The following PMFBP1 variants were observed in gnomAD, a reference collection of about 807,000 sequenced individuals.
PMFBP1 encodes the protein polyamine modulated factor 1 binding protein 1.
A neutral mutation model predicts 137.8 loss-of-function variants in PMFBP1; 131 were observed. That is an observed-to-expected ratio of 0.95 (90% CI 0.82 to 1.10). The LOEUF is 1.10. Ranked by LOEUF, PMFBP1 falls within the 50% of genes least tolerant of loss-of-function variation. The pLI is 0.00. For missense variants in PMFBP1, 1,199 were observed against 1,175.4 expected, an observed-to-expected ratio of 1.02 and a Z score of -0.29; for synonymous variants, 490 against 450.4, an observed-to-expected ratio of 1.09 and a Z score of -1.11.
At chr16:72,131,046 C>T (rs79636708) in intron 10 of PMFBP1, among the ~76,000 whole-genome samples, 1,559 of 152,268 alleles carry the variant, frequency 0.01, 12 homozygotes, top group Admixed American at 0.016. Context: ...ACTGGCCCAC[C>T]GTCCTAGAGA....
the PMFBP1 span, among the ~76,000 whole-genome samples, chr16:72,247,993 A>T: frequency 3.3e-5 from 5 of 152,298 alleles, no homozygotes; most frequent in African/African-American, 9.6e-5. Context: ...AATTTTTCCA[A>T]CCAAACATCT....
chr16:72,128,507 G>T, intron 14 of PMFBP1, 150 bp downstream of exon 14: 1 of 1,554,590 alleles, frequency 6.4e-7, no homozygotes, highest in South Asian at 1.2e-5. Flanking sequence ...GGTGCCAATG[G>T]GGAGGGAAGT....
At chr16:72,124,101 C>T (rs1244889363) in intron 17 of PMFBP1, among the ~76,000 whole-genome samples, 1 of 152,150 alleles carries the variant, frequency 6.6e-6, no homozygotes, top group East Asian at 1.9e-4. Context: ...CTTAACCTCC[C>T]CCCCGGCTCA....
chr16:72,142,136 C>T (rs755920343), intron 5 of PMFBP1, among the ~76,000 whole-genome samples: 4 of 152,050 alleles, frequency 2.6e-5, no homozygotes, highest in Non-Finnish European at 4.4e-5. Context: ...GCATGAAAGC[C>T]TTCTGTGAGC....
chr16:72,175,881 G>A (rs1216412783), upstream of PMFBP1, among the ~76,000 whole-genome samples: 5 of 152,140 alleles, frequency 3.3e-5, no homozygotes, highest in African/African-American at 1.2e-4. Context: ...GAACAGACAG[G>A]GATACTTATT....
chr16:72,208,184 G>A, the PMFBP1 span, among the ~76,000 whole-genome samples: 2 of 152,188 alleles, frequency 1.3e-5, no homozygotes, highest in African/African-American at 2.4e-5. Flanking sequence ...GTGGCCAAAT[G>A]TCTGGGCACC....
chr16:72,171,050 G>T (rs1361375871), intron 2 of PMFBP1, 147 bp downstream of exon 2: 2 of 860,812 alleles, frequency 2.3e-6, no homozygotes, highest in East Asian at 2.5e-5. Context: ...GCTCGAGTCT[G>T]GGCTCTTAAA....
At chr16:72,162,778 A>G (rs2043083554) in intron 3 of PMFBP1, among the ~76,000 whole-genome samples, 2 of 152,250 alleles carry the variant, frequency 1.3e-5, no homozygotes, top group Non-Finnish European at 2.9e-5. Flanking sequence ...GTTGCCAGGT[A>G]CATTTATAAG....
chr16:72,171,468 A>T (rs2043219582), intron 1 of PMFBP1, 200 bp from the exon 2 acceptor site: 1 of 479,956 alleles, frequency 2.1e-6, no homozygotes, highest in African/African-American at 1.9e-5. Context: ...ATGGTTTTAC[A>T]TCTTTTCCAG....
At chr16:72,140,714 T>C (rs2042706145) in intron 5 of PMFBP1, 132 bp from the exon 6 acceptor site, 1 of 835,100 alleles carries the variant, frequency 1.2e-6, no homozygotes, top group Admixed American at 2.7e-5. Context: ...ATGGTTTCCT[T>C]AACAAAACAA....
intron 19 of PMFBP1, 50 bp downstream of exon 19, chr16:72,122,864 C>G (rs764143155): frequency 7.7e-6 from 12 of 1,552,390 alleles, no homozygotes; most frequent in Non-Finnish European, 9.7e-6. Flanking sequence ...CCCTGCTGAC[C>G]CTTCTTGTCA....
Position 72,125,353 on chromosome 16 carries a change from G to T in PMFBP1, c.2306C>A (p.Thr769Asn), listed in dbSNP as rs369827327. 6.2e-7 allele frequency: 1 copy of T among 1,613,914 alleles called. No individual in the cohort carries two copies. Among genetic ancestry groups the T allele is most frequent in the Non-Finnish European group, 8.5e-7 (1 of 1,180,004 alleles). ...TTCCAGCTGAGCTTTCTTCTCTTGG[G>T]TCTGTGTCAAGCTTTGCTGCAGGCT... Reference protein sequence around the residue: ...TKSLQQSLTQTQEKKAQLEEE... With the variant: ...TKSLQQSLTQNQEKKAQLEEE... The change falls in exon 16 of 21, where the codon ACC becomes AAC. Residue 769 changes from threonine (T) to asparagine (N), a missense_variant. Thr to Asn is a moderately conservative substitution (Grantham distance 65). Coordinates refer to ENST00000237353, the MANE Select transcript of PMFBP1 (RefSeq NM_031293.3).
intron 5 of PMFBP1, among the ~76,000 whole-genome samples, chr16:72,144,120 T>A (rs2042766344): frequency 6.6e-6 from 1 of 151,882 alleles, no homozygotes; most frequent in Non-Finnish European, 1.5e-5. Flanking sequence ...TGTCCAGGAA[T>A]AAACATAGCA....
the PMFBP1 span, among the ~76,000 whole-genome samples, chr16:72,188,899 T>C: frequency 6.6e-6 from 1 of 152,222 alleles, no homozygotes; most frequent in Non-Finnish European, 1.5e-5. Flanking sequence ...AGACCTGCCT[T>C]GTGCCAGGCT....
At chr16:72,157,167 G>A (rs1455390280) in intron 3 of PMFBP1, among the ~76,000 whole-genome samples, 2 of 118,460 alleles carry the variant, frequency 1.7e-5, no homozygotes, top group East Asian at 2.8e-4. Context: ...CTGGGCAACA[G>A]AGCGAGACTC....
At chr16:72,154,857 A>T (rs1446118412) in intron 3 of PMFBP1, among the ~76,000 whole-genome samples, 1 of 152,184 alleles carries the variant, frequency 6.6e-6, no homozygotes. Context: ...ACTTGGTATT[A>T]AAAACACCTG....
the PMFBP1 span, among the ~76,000 whole-genome samples, chr16:72,189,507 G>T: frequency 6.6e-6 from 1 of 152,194 alleles, no homozygotes; most frequent in East Asian, 1.9e-4. Context: ...TGGCAAAGAG[G>T]GCTGAGAAGG....
At chr16:72,208,804 A>T in the PMFBP1 span, among the ~76,000 whole-genome samples, 1 of 152,224 alleles carries the variant, frequency 6.6e-6, no homozygotes, top group Non-Finnish European at 1.5e-5. Flanking sequence ...CATTGGTGCG[A>T]GATGGGTCAG....
the PMFBP1 span, among the ~76,000 whole-genome samples, chr16:72,236,975 T>A: frequency 6.6e-6 from 1 of 152,108 alleles, no homozygotes; most frequent in African/African-American, 2.4e-5. Flanking sequence ...TCTAAAGAAG[T>A]CCCAAAGTCT....
Sources: gnomAD v4.1 joint callset for allele counts (sites outside exome capture counted in the v4.1 genomes callset) on GRCh38, gnomAD v4.1.1 for gene constraint, MANE v1.5 for transcripts, NCBI Gene and HGNC (gene_info 2026-07-23, HGNC 2026-07-21) for gene names.